Variants in CRACR2A observed in about 807,000 individuals in gnomAD.
CRACR2A encodes the protein EF-hand calcium-binding domain-containing protein 4B.
A neutral mutation model predicts 90.5 loss-of-function variants in CRACR2A; 79 were observed. That is an observed-to-expected ratio of 0.87 (90% CI 0.73 to 1.05). CRACR2A has a LOEUF of 1.05. CRACR2A is among the 50% of genes least tolerant of loss of function. The pLI is 0.00. For missense variants in CRACR2A, 823 were observed against 897.2 expected, an observed-to-expected ratio of 0.92 and a Z score of 1.06; for synonymous variants, 338 against 356.7, an observed-to-expected ratio of 0.95 and a Z score of 0.59.
intron 8 of CRACR2A, among the ~76,000 whole-genome samples, chr12:3,656,894 C>G (rs150608270): frequency 1.3e-5 from 2 of 152,218 alleles, no homozygotes; most frequent in Non-Finnish European, 2.9e-5. Flanking sequence ...AAACACAGGG[C>G]CATTTCCTCT....
intron 4 of CRACR2A, among the ~76,000 whole-genome samples, chr12:3,681,750 C>T (rs1472615352): frequency 1.3e-5 from 2 of 152,142 alleles, no homozygotes; most frequent in African/African-American, 4.8e-5. Flanking sequence ...GGTGTGAAAG[C>T]CCATAACATA....
At chr12:3,734,913 C>T (rs73247874) in intron 1 of CRACR2A, among the ~76,000 whole-genome samples, 23,827 of 151,940 alleles carry the variant, frequency 0.16, 2,064 homozygotes, top group African/African-American at 0.2. Flanking sequence ...ATTGCAGTTA[C>T]AATGTGGATA....
At chr12:3,634,010 A>G (rs6489488) in intron 14 of CRACR2A, among the ~76,000 whole-genome samples, 98,009 of 152,002 alleles carry the variant, frequency 0.64, 31,896 homozygotes, top group African/African-American at 0.74. Flanking sequence ...GGCAGAGGCC[A>G]ACCCTGGATT....
intron 17 of CRACR2A, among the ~76,000 whole-genome samples, chr12:3,622,520 G>A (rs988799784): frequency 3.3e-5 from 5 of 152,214 alleles, no homozygotes; most frequent in Non-Finnish European, 5.9e-5. Flanking sequence ...AAATTCAAAA[G>A]ATCACCCATC....
chr12:3,713,881 G>A (rs1369097060), intron 2 of CRACR2A, among the ~76,000 whole-genome samples: 3 of 152,210 alleles, frequency 2.0e-5, no homozygotes, highest in Non-Finnish European at 4.4e-5. Flanking sequence ...CCTTGCACAG[G>A]ACAGTTTGGG....
intron 1 of CRACR2A, among the ~76,000 whole-genome samples, chr12:3,748,766 T>C (rs1028051635): frequency 3.3e-5 from 5 of 152,124 alleles, no homozygotes; most frequent in African/African-American, 1.2e-4. Flanking sequence ...GTGTACAAGG[T>C]GTGGAGCCTG....
At chr12:3,705,419 C>G (rs1342757529) in intron 3 of CRACR2A, among the ~76,000 whole-genome samples, 2 of 152,220 alleles carry the variant, frequency 1.3e-5, no homozygotes, top group African/African-American at 4.8e-5. Context: ...TCCCCTTAAT[C>G]TAGAGAACAG....
intron 10 of CRACR2A, among the ~76,000 whole-genome samples, chr12:3,652,383 T>C (rs1944809169): frequency 6.6e-6 from 1 of 152,230 alleles, no homozygotes; most frequent in Admixed American, 6.5e-5. Context: ...AAATATGTTG[T>C]CCTTCCACAA....
chr12:3,660,007 G>A (rs932995721), intron 7 of CRACR2A, among the ~76,000 whole-genome samples: 2 of 152,182 alleles, frequency 1.3e-5, no homozygotes, highest in African/African-American at 4.8e-5. Flanking sequence ...ACAGGCCTCT[G>A]CCAGACGTAT....
At chr12:3,638,053 C>G in intron 14 of CRACR2A, 71 bp downstream of exon 14, 1 of 1,429,136 alleles carries the variant, frequency 7.0e-7, no homozygotes, top group South Asian at 1.5e-5. Context: ...CCTCTCCGGG[C>G]GCTTGGCCTC....
chr12:3,696,702 C>G, intron 4 of CRACR2A, 70 bp downstream of exon 4: 1 of 1,601,346 alleles, frequency 6.2e-7, no homozygotes, highest in Non-Finnish European at 8.5e-7. Context: ...TCCCACGGGG[C>G]AAGCTCTAAC....
chr12:3,714,484 C>T (rs1261164393), intron 2 of CRACR2A, among the ~76,000 whole-genome samples: 2 of 152,166 alleles, frequency 1.3e-5, no homozygotes, highest in African/African-American at 4.8e-5. Flanking sequence ...AGGCAGCAGC[C>T]CTCAGCAAAG....
At chr12:3,689,019 T>G (rs940513539) in intron 4 of CRACR2A, among the ~76,000 whole-genome samples, 1 of 152,190 alleles carries the variant, frequency 6.6e-6, no homozygotes, top group Non-Finnish European at 1.5e-5. Flanking sequence ...TGTTGGTGTA[T>G]AGGAATGCTA....
intron 3 of CRACR2A, among the ~76,000 whole-genome samples, chr12:3,700,003 G>A (rs1945810495): frequency 6.6e-6 from 1 of 152,136 alleles, no homozygotes; most frequent in African/African-American, 2.4e-5. Context: ...CAAAATTCCA[G>A]AGAGAATATA....
chr12:3,693,784 T>TTTTGAGG (rs1945692620), intron 4 of CRACR2A, among the ~76,000 whole-genome samples: 3 of 152,188 alleles, frequency 2.0e-5, no homozygotes, highest in South Asian at 2.1e-4. Context: ...TTATTATGTG[T>TTTTGAGG]CTTGAGGATG....
intron 1 of CRACR2A, among the ~76,000 whole-genome samples, chr12:3,736,265 G>A (rs1374141313): frequency 6.6e-6 from 1 of 151,642 alleles, no homozygotes; most frequent in Non-Finnish European, 1.5e-5. Context: ...AGATTCAAGA[G>A]ACAGAGTGTG....
At chr12:3,680,486 T>G in intron 4 of CRACR2A, 137 bp from the exon 5 acceptor site, 2 of 649,656 alleles carry the variant, frequency 3.1e-6, no homozygotes, top group Non-Finnish European at 2.7e-6. Flanking sequence ...AGCTTCTGCA[T>G]CCAGACTGCT....
intron 5 of CRACR2A, 44 bp downstream of exon 5, chr12:3,680,194 G>A (rs775735286): frequency 6.6e-7 from 1 of 1,513,102 alleles, no homozygotes; most frequent in Non-Finnish European, 9.2e-7. Context: ...ACAGTGTTAG[G>A]TAGACCCATA....
intron 19 of CRACR2A, 71 bp from the exon 20 acceptor site, chr12:3,615,510 G>T: frequency 1.5e-6 from 2 of 1,313,042 alleles, no homozygotes; most frequent in East Asian, 2.5e-5. Flanking sequence ...ACCTGGACAA[G>T]CTACCCTCAG....
Sources: gnomAD v4.1 joint callset for allele counts (sites outside exome capture counted in the v4.1 genomes callset) on GRCh38, gnomAD v4.1.1 for gene constraint, MANE v1.5 for transcripts, NCBI Gene and HGNC (gene_info 2026-07-23, HGNC 2026-07-21) for gene names.